The following ADORA2B variants were observed in gnomAD, a reference collection of about 807,000 sequenced individuals.
The protein encoded by ADORA2B is adenosine receptor A2b.
ADORA2B carries 18 observed loss-of-function variants against 20.8 expected under a neutral mutation model. The ratio of observed to expected loss-of-function variants is 0.87; its 90% CI spans 0.60 to 1.29. The LOEUF (loss-of-function observed/expected upper bound fraction) is 1.29. Ranked by LOEUF, ADORA2B falls within the 50% of genes most tolerant of loss-of-function variation. The probability of loss-of-function intolerance (pLI) is 0.00; values close to 1 mark genes in which losing one functional copy is unlikely to be tolerated. For missense variants in ADORA2B, 441 were observed against 422.7 expected (o/e 1.04, Z -0.38); for synonymous variants, 179 against 178.3 (o/e 1.00, Z -0.03).
chr17:15,912,709 A>G, the ADORA2B span, among the ~76,000 whole-genome samples: 3 of 152,210 alleles, frequency 2.0e-5, no homozygotes, highest in Admixed American at 1.3e-4. Context: ...GCATATGTGA[A>G]CACATGCACA....
chr17:15,948,600 C>T (rs1488876200), intron 1 of ADORA2B, among the ~76,000 whole-genome samples: 1 of 152,172 alleles, frequency 6.6e-6, no homozygotes, highest in Non-Finnish European at 1.5e-5. Flanking sequence ...TGGGGGTCTT[C>T]GCTGCTTGTA....
chr17:15,908,571 G>A, the ADORA2B span: 35 of 190,892 alleles, frequency 1.8e-4, no homozygotes, highest in African/African-American at 7.7e-4. Context: ...AACACAGACC[G>A]GCCTGACTGG....
the ADORA2B span, chr17:15,861,059 G>C: frequency 6.6e-6 from 1 of 152,214 alleles, no homozygotes; most frequent in African/African-American, 2.4e-5. Context: ...GATCAGCTTT[G>C]ATTGTTCCTT....
the ADORA2B span, among the ~76,000 whole-genome samples, chr17:15,903,327 G>T: frequency 1.3e-5 from 2 of 152,196 alleles, no homozygotes; most frequent in African/African-American, 4.8e-5. Context: ...AGGTTAAAAT[G>T]AAAAATATAA....
At chr17:15,854,764 A>AC in the ADORA2B span, among the ~76,000 whole-genome samples, 620 of 152,334 alleles carry the variant, frequency 4.1e-3, 7 homozygotes, top group African/African-American at 0.014. Flanking sequence ...ATGTGCACAG[A>AC]CAGATGTACC....
intron 1 of ADORA2B, among the ~76,000 whole-genome samples, chr17:15,963,510 A>G (rs1970064950): frequency 6.6e-6 from 1 of 152,210 alleles, no homozygotes; most frequent in African/African-American, 2.4e-5. Context: ...TTTGGGGCAG[A>G]GGACAGAGTG....
At chr17:15,927,452 C>T in the ADORA2B span, among the ~76,000 whole-genome samples, 3 of 151,668 alleles carry the variant, frequency 2.0e-5, no homozygotes, top group African/African-American at 7.3e-5. Flanking sequence ...CACTGCACTC[C>T]AGTCTGGCAA....
chr17:15,865,278 A>C, the ADORA2B span, among the ~76,000 whole-genome samples: 1 of 152,138 alleles, frequency 6.6e-6, no homozygotes, highest in Non-Finnish European at 1.5e-5. Flanking sequence ...GTTGTTGTTT[A>C]AGAGACGGAG....
the ADORA2B span, among the ~76,000 whole-genome samples, chr17:15,890,496 ATTTT>A: frequency 6.7e-6 from 1 of 149,238 alleles, no homozygotes; most frequent in African/African-American, 2.5e-5. Context: ...TTATTTATTT[ATTTT>A]TTGTATTTTG....
chr17:15,882,435 C>T, the ADORA2B span, among the ~76,000 whole-genome samples: 7 of 152,082 alleles, frequency 4.6e-5, no homozygotes, highest in Non-Finnish European at 7.3e-5. Flanking sequence ...GGTTCTTGGC[C>T]GGGCACAGTG....
the ADORA2B span, among the ~76,000 whole-genome samples, chr17:15,927,385 A>G: frequency 6.6e-6 from 1 of 152,110 alleles, no homozygotes; most frequent in East Asian, 1.9e-4. Flanking sequence ...CAGGAGGCTG[A>G]GGCAGGAGAA....
chr17:15,901,826 A>G, the ADORA2B span, among the ~76,000 whole-genome samples: 13 of 152,198 alleles, frequency 8.5e-5, no homozygotes, highest in Non-Finnish European at 1.5e-4. Context: ...CACCTCCGCA[A>G]GACCACGAGC....
the ADORA2B span, among the ~76,000 whole-genome samples, chr17:15,922,757 A>C: frequency 6.6e-6 from 1 of 152,330 alleles, no homozygotes; most frequent in South Asian, 2.1e-4. Flanking sequence ...GAACATGCCA[A>C]ATTGCTCCTG....
At chr17:15,939,708 A>C in the ADORA2B span, among the ~76,000 whole-genome samples, 3 of 151,942 alleles carry the variant, frequency 2.0e-5, no homozygotes, top group Non-Finnish European at 4.4e-5. Flanking sequence ...AATACAAAAA[A>C]AAATTAGCCG....
At chr17:15,932,168 T>G in the ADORA2B span, among the ~76,000 whole-genome samples, 1 of 152,208 alleles carries the variant, frequency 6.6e-6, no homozygotes, top group African/African-American at 2.4e-5. Flanking sequence ...ATCTAATTTT[T>G]TATCTGATTG....
chr17:15,935,483 C>T, the ADORA2B span, among the ~76,000 whole-genome samples: 1 of 152,108 alleles, frequency 6.6e-6, no homozygotes, highest in Admixed American at 6.5e-5. Context: ...TGAAGATTCT[C>T]TTTGACTTTA....
chr17:15,891,402 A>C, the ADORA2B span, among the ~76,000 whole-genome samples: 3 of 152,230 alleles, frequency 2.0e-5, no homozygotes, highest in African/African-American at 7.2e-5. Flanking sequence ...GAACCCACTT[A>C]TGTGTGCGTT....
chr17:15,964,615 C>CAAAAAAAAAAAAA (rs372895382), intron 1 of ADORA2B, among the ~76,000 whole-genome samples: 1 of 66,386 alleles, frequency 1.5e-5, no homozygotes, highest in Non-Finnish European at 3.6e-5. Context: ...GACTCTGTCT[C>CAAAAAAAAAAAAA]AAAAAAAAAA....
At chr17:15,865,878 G>A in the ADORA2B span, among the ~76,000 whole-genome samples, 318 of 150,580 alleles carry the variant, frequency 2.1e-3, 2 homozygotes, top group African/African-American at 6.3e-3. Context: ...TAGGCAAGAA[G>A]GATGGGAGAA....
Sources: allele counts gnomAD v4.1 joint callset (sites outside exome capture counted in the v4.1 genomes callset), GRCh38; gene constraint gnomAD v4.1.1; transcripts MANE v1.5; gene names NCBI Gene and HGNC (gene_info 2026-07-23, HGNC 2026-07-21).